KSR2: variants seen among roughly 807,000 people sequenced by gnomAD.
The protein encoded by KSR2 is kinase suppressor of ras 2.
In KSR2, 25 loss-of-function variants were observed where a neutral mutation model predicts 107.8. The ratio of observed to expected loss-of-function variants is 0.23; its 90% CI spans 0.17 to 0.32. KSR2 has a LOEUF of 0.32. Among genes scored for constraint, KSR2 ranks in the 10% least tolerant of loss-of-function variants. The probability of loss-of-function intolerance (pLI) is 1.00; values close to 1 mark genes in which losing one functional copy is unlikely to be tolerated. For synonymous variants in KSR2, 480 were observed against 507.0 expected, an observed-to-expected ratio of 0.95 and a Z score of 0.71; for missense variants, 887 against 1,268.9, an observed-to-expected ratio of 0.70 and a Z score of 4.57.
intron 1 of KSR2, among the ~76,000 whole-genome samples, chr12:117,871,071 A>G (rs982610157): frequency 6.6e-6 from 1 of 152,204 alleles, no homozygotes; most frequent in Non-Finnish European, 1.5e-5. Flanking sequence ...TAACAGGGAT[A>G]TGCTTCGAGC....
At chr12:117,715,874 C>T (rs1886959196) in intron 4 of KSR2, among the ~76,000 whole-genome samples, 1 of 152,170 alleles carries the variant, frequency 6.6e-6, no homozygotes, top group Non-Finnish European at 1.5e-5. Flanking sequence ...TCCAAATAGC[C>T]CCAGTCATAC....
chr12:117,495,228 TC>T (rs1430807290), intron 14 of KSR2, among the ~76,000 whole-genome samples: 1 of 152,152 alleles, frequency 6.6e-6, no homozygotes. Context: ...CCATGCTCTT[TC>T]CCCCTCCCTT....
rs370881688 is a variant in KSR2, at chr12:117,754,757, C to T, written c.986+6254G>A. Among the ~76,000 whole-genome samples, 11 of 152,028 alleles carry T rather than the reference C, an allele frequency of 7.2e-5. No individual in the cohort carries two copies. The East Asian group carries it at 7.8e-4, about 11-fold the overall frequency. ...CAGAGGTTGCAGTGAGCTGAGATTG[C>T]GCCATTGCACTCCAGCCTAGGCAAC... On this transcript the variant is annotated intron_variant, in intron 4 of 19. Coordinates refer to ENST00000339824, the MANE Select transcript of KSR2 (RefSeq NM_173598.6).
chr12:117,591,697 G>C (rs1880329083), intron 5 of KSR2, among the ~76,000 whole-genome samples: 1 of 148,238 alleles, frequency 6.7e-6, no homozygotes, highest in South Asian at 2.2e-4. Flanking sequence ...ATTCCACCTG[G>C]TCCCACCCCT....
At chr12:117,692,493 T>TACACACACAC in intron 4 of KSR2, among the ~76,000 whole-genome samples, 1 of 86,230 alleles carries the variant, frequency 1.2e-5, no homozygotes, top group South Asian at 4.0e-4. Context: ...TATATATATA[T>TACACACACAC]ATATATATAT....
At chr12:117,741,332 C>T (rs994621642) in intron 4 of KSR2, among the ~76,000 whole-genome samples, 10 of 149,028 alleles carry the variant, frequency 6.7e-5, no homozygotes, top group South Asian at 2.1e-4. Flanking sequence ...GCCTGGGCAA[C>T]GTAGCAAGAC....
intron 3 of KSR2, among the ~76,000 whole-genome samples, chr12:117,783,689 A>T (rs1889963976): frequency 6.6e-6 from 1 of 152,194 alleles, no homozygotes; most frequent in Non-Finnish European, 1.5e-5. Flanking sequence ...AGTTTCCTTC[A>T]TCTGTCAGTT....
chr12:117,747,357 C>A (rs1298044952), intron 4 of KSR2, among the ~76,000 whole-genome samples: 2 of 151,368 alleles, frequency 1.3e-5, no homozygotes, highest in African/African-American at 4.9e-5. Context: ...ACCACATGTT[C>A]TCACTCATAC....
In KSR2 at chr12:117,948,858, C is replaced by A. The variant is rs150525994; in HGVS notation, c.180+19218G>T. Among the ~76,000 whole-genome samples, 561 of 152,306 alleles carry A rather than the reference C, an allele frequency of 3.7e-3. 28 individuals carry two copies. The East Asian group carries it at 0.099, about 27-fold the overall frequency. ...TCTGTAATCCCAGCACTTTGGGAGG[C>A]TGAGCAGGGTGGATCACCTGAGGTC... On this transcript the variant is annotated intron_variant, in intron 1 of 19. Coordinates refer to ENST00000339824, the MANE Select transcript of KSR2 (RefSeq NM_173598.6).
chr12:117,602,384 C>G (rs1211627160), intron 5 of KSR2, among the ~76,000 whole-genome samples: 2 of 152,220 alleles, frequency 1.3e-5, no homozygotes, highest in Non-Finnish European at 2.9e-5. Context: ...GCGATCATTC[C>G]TCATTCCTCC....
At chr12:117,613,648 T>G (rs1259033785) in intron 5 of KSR2, among the ~76,000 whole-genome samples, 1 of 152,182 alleles carries the variant, frequency 6.6e-6, no homozygotes, top group Non-Finnish European at 1.5e-5. Context: ...GAAGACAGGA[T>G]GTAAAAAGCA....
At chr12:117,773,386 A>G (rs1889575750) in intron 3 of KSR2, among the ~76,000 whole-genome samples, 1 of 152,230 alleles carries the variant, frequency 6.6e-6, no homozygotes, top group Non-Finnish European at 1.5e-5. Context: ...TAAGGGACTA[A>G]GAGAAATAAA....
chr12:117,567,236 G>C (rs2136205280), intron 7 of KSR2, among the ~76,000 whole-genome samples: 1 of 152,316 alleles, frequency 6.6e-6, no homozygotes. Context: ...GGAGGGAAGT[G>C]GTGGCTGAGC....
At chr12:117,709,741 C>A (rs1159431669) in intron 4 of KSR2, among the ~76,000 whole-genome samples, 1 of 152,180 alleles carries the variant, frequency 6.6e-6, no homozygotes, top group Non-Finnish European at 1.5e-5. Flanking sequence ...ACATTTGGGG[C>A]CAGATAACTC....
chr12:117,556,326 G>A (rs577463395), intron 8 of KSR2, among the ~76,000 whole-genome samples: 20 of 152,302 alleles, frequency 1.3e-4, no homozygotes, highest in African/African-American at 3.6e-4. Flanking sequence ...CCTCTACGGA[G>A]GAGAATTTGG....
chr12:117,805,407 C>T (rs1015924678), intron 3 of KSR2, among the ~76,000 whole-genome samples: 1 of 152,170 alleles, frequency 6.6e-6, no homozygotes, highest in Non-Finnish European at 1.5e-5. Context: ...GTCATATAAA[C>T]GTGGGCAAGT....
At chr12:117,742,298 G>C (rs566898451) in intron 4 of KSR2, among the ~76,000 whole-genome samples, 1 of 152,194 alleles carries the variant, frequency 6.6e-6, no homozygotes, top group Non-Finnish European at 1.5e-5. Flanking sequence ...TGGGACAACT[G>C]AAATCTAAAT....
chr12:117,476,910 A>G (rs1018188258), intron 16 of KSR2, among the ~76,000 whole-genome samples: 1 of 152,226 alleles, frequency 6.6e-6, no homozygotes, highest in African/African-American at 2.4e-5. Flanking sequence ...TCACTGGAAC[A>G]CGGAATTAGC....
intron 4 of KSR2, among the ~76,000 whole-genome samples, chr12:117,732,344 C>A (rs915582672): frequency 4.6e-5 from 7 of 151,900 alleles, no homozygotes; most frequent in Non-Finnish European, 8.8e-5. Flanking sequence ...GCTGGAGTGC[C>A]ATGGTGCCAT....
Sources: allele counts gnomAD v4.1 joint callset (sites outside exome capture counted in the v4.1 genomes callset), GRCh38; gene constraint gnomAD v4.1.1; transcripts MANE v1.5; gene names NCBI Gene and HGNC (gene_info 2026-07-23, HGNC 2026-07-21).